KIF13B: variants seen among roughly 807,000 people sequenced by gnomAD.
KIF13B encodes kinesin-like protein KIF13B.
KIF13B carries 127 observed loss-of-function variants against 222.0 expected under a neutral mutation model. The ratio of observed to expected loss-of-function variants is 0.57; its 90% CI spans 0.50 to 0.66. KIF13B has a LOEUF of 0.66. Ranked by LOEUF, KIF13B falls within the 30% of genes least tolerant of loss-of-function variation. KIF13B has a pLI of 0.00. For synonymous variants in KIF13B, 976 were observed against 919.0 expected, an observed-to-expected ratio of 1.06 and a Z score of -1.12; for missense variants, 2,173 against 2,379.0, an observed-to-expected ratio of 0.91 and a Z score of 1.80.
intron 2 of KIF13B, among the ~76,000 whole-genome samples, chr8:29,235,985 TTCAC>T (rs1391353967): frequency 2.0e-5 from 3 of 152,208 alleles, no homozygotes; most frequent in Non-Finnish European, 2.9e-5. Flanking sequence ...CTGTAATAAA[TTCAC>T]TTATTAATTC....
chr8:29,144,265 G>GT (rs924596569), intron 18 of KIF13B, among the ~76,000 whole-genome samples: 37 of 150,876 alleles, frequency 2.5e-4, no homozygotes, highest in African/African-American at 7.8e-4. Context: ...GCGTGTGTGT[G>GT]TTTTTTTTTA....
rs192919896 is a variant in KIF13B at position 29,104,107 on chromosome 8, C to T, written c.4215+4032G>A. On this transcript the variant is annotated intron_variant, in intron 35 of 39. Transcript: ENST00000524189. ...CCCTGTCTTCATTCCTCCCTGGCGCCGCCACCTCAGTGCACCTCAGTGGCC... is the reference window on the plus strand; with the variant it reads ...CCCTGTCTTCATTCCTCCCTGGCGCTGCCACCTCAGTGCACCTCAGTGGCC... Among the ~76,000 whole-genome samples the T allele has an allele frequency of 2.3e-3, 357 of 152,170 alleles. 6 individuals carry two copies. Among genetic ancestry groups the T allele is most frequent in the Non-Finnish European group, 9.0e-4 (61 of 67,986 alleles).
chr8:29,183,166 TTG>T (rs1386486229), intron 6 of KIF13B, among the ~76,000 whole-genome samples: 3 of 132,172 alleles, frequency 2.3e-5, no homozygotes, highest in Admixed American at 8.0e-5. Context: ...TCCTTAAAGT[TTG>T]TTTTTTTTTT....
intron 10 of KIF13B, among the ~76,000 whole-genome samples, chr8:29,170,503 A>C (rs190275901): frequency 9.2e-5 from 14 of 152,328 alleles, no homozygotes; most frequent in Middle Eastern, 3.4e-3. Context: ...AGAGAGCCAA[A>C]TCTTGAAAGG....
chr8:29,216,326 G>C (rs1386545442), intron 2 of KIF13B, among the ~76,000 whole-genome samples: 2 of 152,206 alleles, frequency 1.3e-5, no homozygotes, highest in African/African-American at 4.8e-5. Flanking sequence ...GCCGGGCGCA[G>C]TGGCTGATGC....
chr8:29,170,273 G>A (rs1170008458), intron 10 of KIF13B, among the ~76,000 whole-genome samples: 1 of 152,210 alleles, frequency 6.6e-6, no homozygotes, highest in Admixed American at 6.5e-5. Flanking sequence ...ACTCTGTGAA[G>A]ACATATAATC....
intron 37 of KIF13B, among the ~76,000 whole-genome samples, chr8:29,083,610 T>G (rs1050998417): frequency 5.3e-5 from 8 of 152,140 alleles, no homozygotes; most frequent in African/African-American, 1.9e-4. Flanking sequence ...ACCTACAAAT[T>G]TATGGGGCAA....
chr8:29,247,065 C>G (rs891461985), intron 1 of KIF13B, among the ~76,000 whole-genome samples: 1 of 152,148 alleles, frequency 6.6e-6, no homozygotes, highest in African/African-American at 2.4e-5. Context: ...ACAACAACAA[C>G]AAGATAAACT....
At chr8:29,181,128 A>C (rs1812694880) in intron 7 of KIF13B, among the ~76,000 whole-genome samples, 1 of 152,162 alleles carries the variant, frequency 6.6e-6, no homozygotes, top group African/African-American at 2.4e-5. Context: ...GCCATCTGGG[A>C]ATTCTCCTTA....
chr8:29,082,509 G>A (rs886664959), intron 37 of KIF13B, among the ~76,000 whole-genome samples: 1 of 151,952 alleles, frequency 6.6e-6, no homozygotes, highest in African/African-American at 2.4e-5. Flanking sequence ...AGGCATGGTA[G>A]CACACTCCTG....
In KIF13B at chr8:29,165,643, A is replaced by G; in HGVS notation, c.1269+19T>C. 1.3e-6 allele frequency: 2 copies of G among 1,516,470 alleles called. No homozygotes were observed. Among genetic ancestry groups the G allele is most frequent in the East Asian group, 4.5e-5 (2 of 44,470 alleles). The allele number at this position is 1,516,470 out of a possible 1,614,324, so 93.9% of individuals were successfully genotyped here. A position where few individuals can be genotyped will look rare whatever the true frequency, so the allele number is the denominator to read the frequency against. ...ACTGCCATGAGGTTTCATGCGCTTC[A>G]TCATCAGGAAACACGAACCTGTGCA... On this transcript the variant is annotated intron_variant, in intron 12 of 39. Transcript: ENST00000524189.
intron 2 of KIF13B, among the ~76,000 whole-genome samples, chr8:29,209,809 T>C (rs1259375704): frequency 7.0e-6 from 1 of 142,068 alleles, no homozygotes; most frequent in African/African-American, 2.6e-5. Context: ...CCCAACACTA[T>C]GGGAGGCTGA....
chr8:29,086,912 T>C (rs1228538790), intron 37 of KIF13B, among the ~76,000 whole-genome samples: 9 of 152,240 alleles, frequency 5.9e-5, no homozygotes, highest in Admixed American at 5.9e-4. Flanking sequence ...CAGGCACTAG[T>C]AAATAAAAAT....
rs1327801033 is a variant in KIF13B at position 29,073,153 on chromosome 8, G to A, written c.4522-837C>T. Among the ~76,000 whole-genome samples the A allele has an allele frequency of 3.8e-5, 5 of 132,214 alleles. No individual in the cohort carries two copies. In the East Asian group the frequency reaches 8.0e-4, roughly 21 times the overall value. The allele number at this position is 132,214 out of a possible 152,430, so 86.7% of individuals were successfully genotyped here. A position where few individuals can be genotyped will look rare whatever the true frequency, so the allele number is the denominator to read the frequency against. On this transcript the variant is annotated intron_variant, in intron 38 of 39. Coordinates refer to ENST00000524189, the MANE Select transcript of KIF13B (RefSeq NM_015254.4). ...CGAGGAGGGGGACGAGGAGGGGGAC[G>A]AGGAGGGGGATGAGGAGGGGACAAA...
intron 18 of KIF13B, among the ~76,000 whole-genome samples, chr8:29,142,869 A>G (rs928689290): frequency 4.6e-5 from 7 of 151,644 alleles, no homozygotes; most frequent in African/African-American, 1.7e-4. Flanking sequence ...GTGTGTGTGT[A>G]AAGAGACAGC....
intron 14 of KIF13B, among the ~76,000 whole-genome samples, chr8:29,153,657 A>G (rs1032252549): frequency 6.7e-6 from 1 of 149,848 alleles, no homozygotes; most frequent in Admixed American, 6.8e-5. Context: ...TTCCTCCCAC[A>G]AGGAAGGCCT....
chr8:29,246,364 C>T (rs1332629701), intron 1 of KIF13B, among the ~76,000 whole-genome samples: 2 of 148,236 alleles, frequency 1.3e-5, no homozygotes, highest in African/African-American at 5.0e-5. Context: ...GAGACAAGAG[C>T]AAAACTCTGT....
chr8:29,155,213 G>T (rs1811464924), intron 14 of KIF13B, among the ~76,000 whole-genome samples: 1 of 152,112 alleles, frequency 6.6e-6, no homozygotes, highest in Admixed American at 6.6e-5. Context: ...GGGTAATAAG[G>T]GTTCACAGCC....
At chr8:29,176,005 C>A (rs952734589) in intron 10 of KIF13B, 63 bp downstream of exon 10, 2 of 933,714 alleles carry the variant, frequency 2.1e-6, no homozygotes, top group Non-Finnish European at 3.4e-6. Context: ...ACAGTCTACT[C>A]TTTTTTCTTC....
Sources: allele counts gnomAD v4.1 joint callset (sites outside exome capture counted in the v4.1 genomes callset), GRCh38; gene constraint gnomAD v4.1.1; transcripts MANE v1.5; gene names NCBI Gene and HGNC (gene_info 2026-07-23, HGNC 2026-07-21).